PBX1: variants seen among roughly 807,000 people sequenced by gnomAD.
PBX1 encodes PBX homeobox 1, also known as pre-B-cell leukemia transcription factor 1.
A neutral mutation model predicts 53.4 loss-of-function variants in PBX1; 6 were observed. The ratio of observed to expected loss-of-function variants is 0.11; its 90% CI spans 0.06 to 0.22. PBX1 has a LOEUF of 0.22. Among genes scored for constraint, PBX1 ranks in the 10% least tolerant of loss-of-function variants. PBX1 has a pLI of 1.00. For synonymous variants in PBX1, 204 were observed against 212.3 expected (o/e 0.96, Z 0.34); for missense variants, 251 against 551.4 (o/e 0.46, Z 5.46).
intron 8 of PBX1, among the ~76,000 whole-genome samples, chr1:164,844,652 T>C (rs187654378): frequency 2.7e-4 from 41 of 152,318 alleles, no homozygotes; most frequent in African/African-American, 9.6e-4. Flanking sequence ...TAAAGGATCT[T>C]CTTTGGGAAA....
At chr1:164,673,628 G>A (rs1418433201) in intron 2 of PBX1, among the ~76,000 whole-genome samples, 2 of 151,958 alleles carry the variant, frequency 1.3e-5, no homozygotes, top group Non-Finnish European at 2.9e-5. Flanking sequence ...GAGCCACCGC[G>A]CCTGGCGAAA....
At chr1:164,755,324 T>C (rs1216239824) in intron 2 of PBX1, among the ~76,000 whole-genome samples, 2 of 152,180 alleles carry the variant, frequency 1.3e-5, no homozygotes, top group African/African-American at 2.4e-5. Flanking sequence ...TAATTTTGTA[T>C]TTTTAGTAGA....
chr1:164,737,215 A>G (rs1238628814), intron 2 of PBX1, among the ~76,000 whole-genome samples: 1 of 152,186 alleles, frequency 6.6e-6, no homozygotes, highest in East Asian at 1.9e-4. Context: ...TAGTTCTTCG[A>G]ATGGTCATTT....
chr1:164,740,902 T>C (rs554589993), intron 2 of PBX1, among the ~76,000 whole-genome samples: 1 of 152,302 alleles, frequency 6.6e-6, no homozygotes, highest in South Asian at 2.1e-4. Context: ...TGTTACTAGA[T>C]GTGGAATTAA....
At position 164,847,543 on chromosome 1, in the gene PBX1, C is replaced by G. The variant is rs1275884827; in HGVS notation, c.*867C>G. 2.1e-5 allele frequency: 22 copies of G among 1,062,572 alleles called. No homozygotes were observed. The highest frequency in any genetic ancestry group is 3.3e-5 in the African/African-American group (2 of 60,906). The allele number at this position is 1,062,572 out of a possible 1,614,324, so 65.8% of individuals were successfully genotyped here. A position where few individuals can be genotyped will look rare whatever the true frequency, so the allele number is the denominator to read the frequency against. Reference sequence around the variant, plus strand: ...ATTGCAAAACTGGGCCTGAGTTAGGCATGGTGATGAATGCATCAGCAAGGA... The same window carrying G: ...ATTGCAAAACTGGGCCTGAGTTAGGGATGGTGATGAATGCATCAGCAAGGA... On this transcript the variant is annotated 3_prime_UTR_variant, in exon 9 of 9. Coordinates refer to ENST00000420696, the MANE Select transcript of PBX1 (RefSeq NM_002585.4).
chr1:164,639,322 G>A (rs1658975805), intron 2 of PBX1, among the ~76,000 whole-genome samples: 1 of 152,184 alleles, frequency 6.6e-6, no homozygotes, highest in Non-Finnish European at 1.5e-5. Context: ...TTCCTTCTTA[G>A]CCTCCTAAAT....
At chr1:164,776,076 G>A (rs1229581911) in intron 2 of PBX1, among the ~76,000 whole-genome samples, 2 of 152,042 alleles carry the variant, frequency 1.3e-5, no homozygotes, top group East Asian at 3.9e-4. Flanking sequence ...TTTCATTTCT[G>A]TGACCGTTAC....
At position 164,850,523 on chromosome 1, in the gene PBX1, T is replaced by C. The variant is rs1391027881; in HGVS notation, c.*3847T>C. 2 of 195,502 alleles carry C rather than the reference T, an allele frequency of 1.0e-5. No homozygotes were observed. Among genetic ancestry groups the C allele is most frequent in the Non-Finnish European group, 2.1e-5 (2 of 94,136 alleles). The allele number at this position is 195,502 out of a possible 1,614,324, so 12.1% of individuals were successfully genotyped here. A position where few individuals can be genotyped will look rare whatever the true frequency, so the allele number is the denominator to read the frequency against. ...TTTGGTTTGTTTATTGGGGGGCTTT[T>C]TTTAATTGTCAGGATTATGATCTTG... On this transcript the variant is annotated 3_prime_UTR_variant, in exon 9 of 9. Transcript: ENST00000420696.
At chr1:164,776,937 T>TGGG (rs1167786200) in intron 2 of PBX1, among the ~76,000 whole-genome samples, 21 of 26,996 alleles carry the variant, frequency 7.8e-4, no homozygotes, top group Non-Finnish European at 9.5e-4. Flanking sequence ...GTGTGTGTGG[T>TGGG]GGGAGGAGAG....
At chr1:164,750,169 T>TGTGTGTGTGTGTGTAC (rs1666123860) in intron 2 of PBX1, among the ~76,000 whole-genome samples, 1 of 151,314 alleles carries the variant, frequency 6.6e-6, no homozygotes, top group African/African-American at 2.4e-5. Context: ...TGTGTGTGTG[T>TGTGTGTGTGTGTGTAC]GTGTGTGTGT....
intron 3 of PBX1, among the ~76,000 whole-genome samples, chr1:164,793,665 G>A (rs559047233): frequency 6.6e-6 from 1 of 152,046 alleles, no homozygotes; most frequent in Non-Finnish European, 1.5e-5. Flanking sequence ...GTGTAAGCAT[G>A]CTACTTTATC....
At chr1:164,799,551 G>A (rs1271117112) in intron 3 of PBX1, 148 bp from the exon 4 acceptor site, 1 of 535,038 alleles carries the variant, frequency 1.9e-6, no homozygotes, top group Non-Finnish European at 3.2e-6. Context: ...TGAGCCACAG[G>A]GGCTGAAAGG....
At chr1:164,769,566 G>A (rs1026589013) in intron 2 of PBX1, among the ~76,000 whole-genome samples, 6 of 152,148 alleles carry the variant, frequency 3.9e-5, no homozygotes, top group African/African-American at 1.4e-4. Flanking sequence ...ATGAGGTCTT[G>A]TGTGTGCTGT....
At chr1:164,765,379 A>G (rs1477339421) in intron 2 of PBX1, among the ~76,000 whole-genome samples, 1 of 152,246 alleles carries the variant, frequency 6.6e-6, no homozygotes, top group East Asian at 1.9e-4. Context: ...AATAATTTCT[A>G]TTCTCATTTG....
At chr1:164,876,082 G>T (rs1053539083) in intron 2 of PBX1, among the ~76,000 whole-genome samples, 1 of 142,752 alleles carries the variant, frequency 7.0e-6, no homozygotes, top group Non-Finnish European at 1.6e-5. Context: ...TGTCTCCAGA[G>T]TGGAGGTCAG....
chr1:164,737,852 C>T (rs77339067), intron 2 of PBX1, among the ~76,000 whole-genome samples: 11,964 of 152,172 alleles, frequency 0.079, 699 homozygotes, highest in African/African-American at 0.15. Flanking sequence ...CCCATCACAC[C>T]GAAAGGTCTC....
intron 2 of PBX1, among the ~76,000 whole-genome samples, chr1:164,864,076 A>G (rs1309432854): frequency 6.6e-6 from 1 of 152,156 alleles, no homozygotes; most frequent in Non-Finnish European, 1.5e-5. Flanking sequence ...ACCCTAAGTG[A>G]TATTATCAAG....
chr1:164,559,520 A>T lies in PBX1; in HGVS notation c.-303A>T. Reference sequence around the variant, plus strand: ...AAGCCAGCTCTGATTTCTTTTCGCCAAGTGGGAAGGTGGTTTATTTTTCTT... The same window carrying T: ...AAGCCAGCTCTGATTTCTTTTCGCCTAGTGGGAAGGTGGTTTATTTTTCTT... On this transcript the variant is annotated 5_prime_UTR_variant, in exon 1 of 9. Coordinates refer to ENST00000420696, the MANE Select transcript of PBX1 (RefSeq NM_002585.4). 3.0e-6 allele frequency: 1 copy of T among 334,970 alleles called. No individual in the cohort carries two copies. Among genetic ancestry groups the T allele is most frequent in the Non-Finnish European group, 5.4e-6 (1 of 185,898 alleles). The allele number at this position is 334,970 out of a possible 1,614,324, so 20.7% of individuals were successfully genotyped here.
At chr1:164,854,360 A>T (rs55741405), downstream of PBX1, 1 of 151,988 alleles carries the variant, frequency 6.6e-6, no homozygotes, top group African/African-American at 2.4e-5. Context: ...TTTTTAAAAC[A>T]TGCAACAAAA....
Sources: gnomAD v4.1 joint callset for allele counts (sites outside exome capture counted in the v4.1 genomes callset) on GRCh38, gnomAD v4.1.1 for gene constraint, MANE v1.5 for transcripts, NCBI Gene and HGNC (gene_info 2026-07-23, HGNC 2026-07-21) for gene names.